Variants in ACOX2 observed in about 807,000 individuals in gnomAD.
The protein encoded by ACOX2 is peroxisomal acyl-coenzyme A oxidase 2.
ACOX2 carries 59 observed loss-of-function variants against 77.5 expected under a neutral mutation model. The ratio of observed to expected loss-of-function variants is 0.76; its 90% CI spans 0.62 to 0.95. The LOEUF (loss-of-function observed/expected upper bound fraction) is 0.95, where lower values mean the gene tolerates loss of function less well. Ranked by LOEUF, ACOX2 falls within the 40% of genes least tolerant of loss-of-function variation. The pLI is 0.00. For missense variants in ACOX2, 837 were observed against 880.4 expected, an observed-to-expected ratio of 0.95 and a Z score of 0.62; for synonymous variants, 317 against 340.1, an observed-to-expected ratio of 0.93 and a Z score of 0.75.
intron 12 of ACOX2, among the ~76,000 whole-genome samples, chr3:58,520,008 CAG>C (rs1296667631): frequency 8.5e-5 from 13 of 152,290 alleles, no homozygotes; most frequent in Non-Finnish European, 1.5e-4. Flanking sequence ...GGATGAGGAT[CAG>C]AGACAGAGGT....
At chr3:58,536,047 C>T (rs774427660) in intron 1 of ACOX2, among the ~76,000 whole-genome samples, 157 of 151,998 alleles carry the variant, frequency 1.0e-3, no homozygotes, top group Admixed American at 3.7e-3. Flanking sequence ...TTGGAATCTG[C>T]TCCTTGGGGC....
At position 58,528,297 on chromosome 3, in the gene ACOX2, T is replaced by C. The variant is rs1560218305; in HGVS notation, c.1155+497A>G. Reference sequence around the variant, plus strand: ...CTTTACCTGAGACCTGTGAGCCAGATGTGTTTAGGAATCAGAGTAACTTTT... The same window carrying C: ...CTTTACCTGAGACCTGTGAGCCAGACGTGTTTAGGAATCAGAGTAACTTTT... On this transcript the variant is annotated intron_variant, in intron 9 of 14. Coordinates refer to ENST00000302819, the MANE Select transcript of ACOX2 (RefSeq NM_003500.4). The surrounding 1 kb of genome is among the most constrained non-coding windows in gnomAD (Gnocchi z 5.6). 6.6e-6 allele frequency among the ~76,000 whole-genome samples: 1 copy of C among 152,236 alleles called. No homozygotes were observed. The highest frequency in any genetic ancestry group is 1.5e-5 in the Non-Finnish European group (1 of 68,042).
chr3:58,510,062 C>T (rs555894611), intron 13 of ACOX2, among the ~76,000 whole-genome samples: 5 of 152,300 alleles, frequency 3.3e-5, no homozygotes, highest in African/African-American at 1.2e-4. Flanking sequence ...TCTCTTCACT[C>T]CTACCTCCCC....
At chr3:58,509,151 AT>A (rs919622857) in intron 13 of ACOX2, 126 bp from the exon 14 acceptor site, 1,302 of 1,135,572 alleles carry the variant, frequency 1.1e-3, no homozygotes, top group Non-Finnish European at 1.4e-3. Context: ...ACAATTCAGC[AT>A]TTTTTTTTAG....
At chr3:58,527,163 G>A (rs2063401256) in intron 9 of ACOX2, among the ~76,000 whole-genome samples, 1 of 152,096 alleles carries the variant, frequency 6.6e-6, no homozygotes, top group Non-Finnish European at 1.5e-5. Context: ...TATTATGATG[G>A]TAGTAGGAGT....
Position 58,517,247 on chromosome 3 carries a change from G to GTCCA in ACOX2, c.1805_1808dup (p.Met604GlyfsTer23). On this transcript the variant is annotated frameshift_variant, in exon 13 of 15. Coordinates refer to ENST00000302819, the MANE Select transcript of ACOX2 (RefSeq NM_003500.4). LOFTEE classifies it high-confidence loss of function. ...GGTCCAGGTAGGCTGTTCTTGCCAT[G>GTCCA]TCCACTTGGGCACCAGACAGGAAGG... 6 of 1,614,166 alleles carry GTCCA rather than the reference G, an allele frequency of 3.7e-6. No homozygotes were observed. The highest frequency in any genetic ancestry group is 5.1e-6 in the Non-Finnish European group (6 of 1,180,022).
intron 12 of ACOX2, among the ~76,000 whole-genome samples, chr3:58,518,686 C>T (rs2063339043): frequency 6.6e-6 from 1 of 152,176 alleles, no homozygotes; most frequent in South Asian, 2.1e-4. Flanking sequence ...GGCTGAAGAG[C>T]AGTGTTGCAA....
Position 58,528,921 on chromosome 3 carries a change from T to G in ACOX2, c.1028A>C (p.Gln343Pro). Residue 343 changes from glutamine to proline, a missense_variant, in exon 9 of 15, where the codon CAA becomes CCA. By Grantham distance (76) the Gln-to-Pro change is moderately conservative (BLOSUM62 -1). Transcript: ENST00000302819. The surrounding 1 kb of genome is among the most constrained non-coding windows in gnomAD (Gnocchi z 5.6). Reference protein sequence around the residue: ...PEAKVLDYQTQQQKLFPQLAI... With the variant: ...PEAKVLDYQTPQQKLFPQLAI... ...CAGCTGAGGAAAGAGTTTCTGCTGT[T>G]GTGTCTGGTAGTCCAGGACCTTTGC... The G allele has an allele frequency of 6.2e-7, 1 of 1,613,686 alleles. No homozygotes were observed. The highest frequency in any genetic ancestry group is 2.2e-5 in the East Asian group (1 of 44,880).
Position 58,517,360 on chromosome 3 carries a change from G to A in ACOX2, c.1696C>T (p.Pro566Ser). 6.2e-7 allele frequency: 1 copy of A among 1,614,126 alleles called. No individual in the cohort carries two copies. Among genetic ancestry groups the A allele is most frequent in the South Asian group, 1.1e-5 (1 of 91,080 alleles). Residue 566 changes from proline (P) to serine (S), a missense_variant, in exon 13 of 15, where the codon CCA becomes TCA. Physicochemically the swap from Pro to Ser is moderately conservative, Grantham distance 74. Transcript: ENST00000302819. ...TEALEKLENE[P>S]AIQQVLKRLC... Reference sequence around the variant, plus strand: ...CGCTTGAGCACCTGCTGAATCGCTGGTTCATTTTCTAGTTTCTCCAGAGCT... The same window carrying A: ...CGCTTGAGCACCTGCTGAATCGCTGATTCATTTTCTAGTTTCTCCAGAGCT...
chr3:58,535,161 C>T lies in ACOX2; in HGVS notation c.-55G>A, dbSNP rs544013400. ...AGAGACACTTCCAACCCGGCTGCTC[C>T]GAGGGTCTGCTCTCAGCATTGGTCA... On this transcript the variant is annotated 5_prime_UTR_variant, in exon 2 of 15. Transcript: ENST00000302819. This position sits in a 1 kb window ranked among gnomAD's most constrained non-coding sequence, Gnocchi z 4.8. 1.6e-5 allele frequency: 26 copies of T among 1,608,612 alleles called. No individual in the cohort carries two copies. Among genetic ancestry groups the T allele is most frequent in the African/African-American group, 1.1e-4 (8 of 74,972 alleles).
At chr3:58,508,609 G>T (rs1198037589) in intron 14 of ACOX2, among the ~76,000 whole-genome samples, 1 of 152,114 alleles carries the variant, frequency 6.6e-6, no homozygotes, top group Non-Finnish European at 1.5e-5. Flanking sequence ...ATGCACTTGG[G>T]TCTGTCAAGC....
rs1004563254 is a variant in ACOX2, at chr3:58,514,905, C to T, written c.1850+2301G>A. 6.6e-6 allele frequency among the ~76,000 whole-genome samples: 1 copy of T among 152,198 alleles called. No homozygotes were observed. Among genetic ancestry groups the T allele is most frequent in the African/African-American group, 2.4e-5 (1 of 41,454 alleles). On this transcript the variant is annotated intron_variant, in intron 13 of 14. Coordinates refer to ENST00000302819, the MANE Select transcript of ACOX2 (RefSeq NM_003500.4). This position sits in a 1 kb window ranked among gnomAD's most constrained non-coding sequence, Gnocchi z 4.3. The stretch of plus-strand genomic sequence containing the variant: ...ACCCTTGGGCTTGAACTGTGCAGTA[C>T]TTAATTATGCTCTTAATAGTTTTCA...
In ACOX2 at chr3:58,521,023, G is replaced by T. The variant is rs2107998244; in HGVS notation, c.1632+1473C>A. 2.0e-5 allele frequency among the ~76,000 whole-genome samples: 3 copies of T among 152,342 alleles called. No homozygotes were observed. Among genetic ancestry groups the T allele is most frequent in the Admixed American group, 2.0e-4 (3 of 15,308 alleles). ...AAGTAACCCTGGCAAGCAGCATCTGGTCCATTTGAAGGCAGGCCATAGGTT... is the reference window on the plus strand; with the variant it reads ...AAGTAACCCTGGCAAGCAGCATCTGTTCCATTTGAAGGCAGGCCATAGGTT... On this transcript the variant is annotated intron_variant, in intron 12 of 14. Transcript: ENST00000302819. This position sits in a 1 kb window ranked among gnomAD's most constrained non-coding sequence, Gnocchi z 4.8.
At chr3:58,532,135 A>C (rs1472715586) in intron 5 of ACOX2, among the ~76,000 whole-genome samples, 1 of 152,120 alleles carries the variant, frequency 6.6e-6, no homozygotes, top group East Asian at 1.9e-4. Context: ...GATGCTTTCC[A>C]GTTCTTGCAG....
Position 58,535,020 on chromosome 3 carries a change from C to T in ACOX2, c.87G>A (p.Gln29=). Residue 29 remains glutamine, a synonymous_variant, in exon 2 of 15, where the codon CAG becomes CAA. Coordinates refer to ENST00000302819, the MANE Select transcript of ACOX2 (RefSeq NM_003500.4). The surrounding 1 kb of genome is among the most constrained non-coding windows in gnomAD (Gnocchi z 4.8). ...TGGTGAGCCGTTCCACGTCAAAGGA[C>T]TGCATATACCTCTCGCTCTCTATGT... ...HPDIESERYM[Q]SFDVERLTNI... 6.2e-7 allele frequency: 1 copy of T among 1,614,250 alleles called. No individual in the cohort carries two copies. Among genetic ancestry groups the T allele is most frequent in the Non-Finnish European group, 8.5e-7 (1 of 1,180,044 alleles).
rs142797971 is a variant in ACOX2, at chr3:58,531,213, C to CAG, written c.819+36_819+37dup. On this transcript the variant is annotated intron_variant, in intron 7 of 14. Transcript: ENST00000302819. This position sits in a 1 kb window ranked among gnomAD's most constrained non-coding sequence, Gnocchi z 5.8. ...CTGCACAAAGCGCAGGTCCCCTCTCCAGGAAGTACAAGTCCCCGGCCTCCC... is the reference window on the plus strand; with the variant it reads ...CTGCACAAAGCGCAGGTCCCCTCTCCAGAGGAAGTACAAGTCCCCGGCCTCCC... 2.3e-4 allele frequency: 358 copies of CAG among 1,586,304 alleles called. 2 individuals carry two copies. In the African/African-American group the frequency reaches 3.6e-3, roughly 16 times the overall value.
chr3:58,505,655 A>G lies in ACOX2; in HGVS notation c.1984-369T>C, dbSNP rs934286531. Among the ~76,000 whole-genome samples the G allele has an allele frequency of 3.3e-5, 5 of 152,212 alleles. No homozygotes were observed. Among genetic ancestry groups the G allele is most frequent in the African/African-American group, 1.2e-4 (5 of 41,466 alleles). ...TATAAGCAGTATTCTAGGTCCGACT[A>G]GGTTATCCTCATTATGCTGTAATTC... On this transcript the variant is annotated intron_variant, in intron 14 of 14. Coordinates refer to ENST00000302819, the MANE Select transcript of ACOX2 (RefSeq NM_003500.4). The surrounding 1 kb of genome is among the most constrained non-coding windows in gnomAD (Gnocchi z 4.4).
rs1012648726 is a variant in ACOX2, at chr3:58,518,364, C to T, written c.1633-941G>A. On this transcript the variant is annotated intron_variant, in intron 12 of 14. Transcript: ENST00000302819. ...ATCAACCCTGTGAGAGCCCCTTCTG[C>T]CAGATGGACTCCTTCCCGAAGACCC... Among the ~76,000 whole-genome samples, 6 of 152,294 alleles carry T rather than the reference C, an allele frequency of 3.9e-5. No homozygotes were observed. In the East Asian group the frequency reaches 9.7e-4, roughly 25 times the overall value.
intron 9 of ACOX2, among the ~76,000 whole-genome samples, chr3:58,527,796 C>T (rs1169633425): frequency 1.3e-5 from 2 of 152,226 alleles, no homozygotes; most frequent in East Asian, 1.9e-4. Flanking sequence ...CTCAAGGAAT[C>T]CTCCCACCTC....
Sources: allele counts gnomAD v4.1 joint callset (sites outside exome capture counted in the v4.1 genomes callset), GRCh38; gene constraint gnomAD v4.1.1; non-coding constraint Gnocchi (gnomAD v3.1); transcripts MANE v1.5; gene names NCBI Gene and HGNC (gene_info 2026-07-23, HGNC 2026-07-21).